CHD1: variants seen among roughly 807,000 people sequenced by gnomAD.
The protein encoded by CHD1 is ATP-dependent chromatin remodeler CHD1.
In CHD1, 36 loss-of-function variants were observed where a neutral mutation model predicts 224.2. The observed-to-expected ratio is 0.16, with a 90% CI of 0.12 to 0.21. The LOEUF (loss-of-function observed/expected upper bound fraction) is 0.21. CHD1 is among the 10% of genes least tolerant of loss of function. The probability of loss-of-function intolerance (pLI) is 1.00; values close to 1 mark genes in which losing one functional copy is unlikely to be tolerated. For synonymous variants in CHD1, 668 were observed against 658.3 expected (o/e 1.01, Z -0.23); for missense variants, 1,378 against 1,994.8 (o/e 0.69, Z 5.89).
At position 98,888,157 on chromosome 5, in the gene CHD1, A is replaced by T. The variant is rs1561513205; in HGVS notation, c.2427T>A (p.Ile809=). 6.2e-7 allele frequency: 1 copy of T among 1,611,252 alleles called. No individual in the cohort carries two copies. Among genetic ancestry groups the T allele is most frequent in the East Asian group, 2.2e-5 (1 of 44,758 alleles). The stretch of plus-strand genomic sequence containing the variant: ...CTAACATCCGCACCATTTGTGAAAA[A>T]ATAAGAACTCGATTGCCTCGTTCTC... ...RLRERGNRVL[I]FSQMVRMLDI... is the part of the protein sequence containing the mutation. Residue 809 remains isoleucine (I), a synonymous_variant, in exon 17 of 36, where the codon ATT becomes ATA. Transcript: ENST00000614616.
chr5:98,868,696 C>T, intron 30 of CHD1, 61 bp from the exon 31 acceptor site: 3 of 1,401,196 alleles, frequency 2.1e-6, no homozygotes, highest in Non-Finnish European at 2.9e-6. Flanking sequence ...GGCAAAATGA[C>T]TAACACTTCC....
chr5:98,882,709 G>A (rs962641632), intron 19 of CHD1, among the ~76,000 whole-genome samples: 6 of 152,124 alleles, frequency 3.9e-5, no homozygotes, highest in African/African-American at 1.4e-4. Context: ...TTTACATGTG[G>A]AGAATCTTGT....
At chr5:98,917,062 G>A (rs1752778128) in intron 2 of CHD1, among the ~76,000 whole-genome samples, 1 of 152,030 alleles carries the variant, frequency 6.6e-6, no homozygotes, top group Non-Finnish European at 1.5e-5. Context: ...TAGGAATTTA[G>A]AATGTTACTT....
rs1321078353 is a variant in CHD1 at position 98,901,221 on chromosome 5, T to C, written c.552A>G (p.Pro184=). 1.9e-6 allele frequency: 3 copies of C among 1,613,254 alleles called. No individual in the cohort carries two copies. The highest frequency in any genetic ancestry group is 2.2e-5 in the East Asian group (1 of 44,848). The change falls in exon 6 of 36, where the codon CCA becomes CCG. Residue 184 remains proline (P), a synonymous_variant. Coordinates refer to ENST00000614616, the MANE Select transcript of CHD1 (RefSeq NM_001270.4). ...GTTTTCTGCTTTTGACTTTGTTTTT[T>C]GGCTCATAATCAGATTCTGTTTCAT... The part of the protein sequence containing the change: ...SCDETESDYE[P]KNKVKSRKPQ...
In CHD1 at chr5:98,881,964, C is replaced by T; in HGVS notation, c.2867+11G>A. On this transcript the variant is annotated intron_variant, in intron 20 of 35. Transcript: ENST00000614616. ...TCTAAAATGACATTTTTTTAATAAT[C>T]AAGTAACCACCTTGATGGGGCAGAA... The T allele has an allele frequency of 6.2e-7, 1 of 1,604,914 alleles. No homozygotes were observed.
chr5:98,877,749 C>T (rs1371987536), intron 23 of CHD1, among the ~76,000 whole-genome samples: 1 of 152,064 alleles, frequency 6.6e-6, no homozygotes, highest in African/African-American at 2.4e-5. Flanking sequence ...TAAAACAAAA[C>T]TACTTAGGGG....
intron 5 of CHD1, among the ~76,000 whole-genome samples, chr5:98,902,548 ATATAAT>A (rs1372495624): frequency 1.9e-4 from 29 of 152,198 alleles, no homozygotes; most frequent in South Asian, 1.9e-3. Flanking sequence ...ATAGCTATTA[ATATAAT>A]TATAAGAACC....
At chr5:98,895,010 A>T (rs189483189) in intron 12 of CHD1, among the ~76,000 whole-genome samples, 7 of 152,142 alleles carry the variant, frequency 4.6e-5, no homozygotes, top group Admixed American at 3.9e-4. Context: ...TAGTAGAGAC[A>T]GGGTATCTCC....
chr5:98,915,121 T>C (rs1013413129), intron 2 of CHD1, among the ~76,000 whole-genome samples: 7 of 152,302 alleles, frequency 4.6e-5, no homozygotes, highest in Admixed American at 1.3e-4. Context: ...CATGATGAAG[T>C]ATACACACAC....
intron 11 of CHD1, 122 bp from the exon 12 acceptor site, chr5:98,896,564 T>C: frequency 1.6e-6 from 1 of 636,584 alleles, no homozygotes; most frequent in South Asian, 2.1e-5. Context: ...ATATAGAATA[T>C]ACCACTTTTA....
chr5:98,882,221 T>C lies in CHD1; in HGVS notation c.2719-98A>G, dbSNP rs879049405. ...CTGGCACACAAATTGAAGCTCATTCTATATGAAGTTTTCACTGGTTAAAAG... is the reference window on the plus strand; with the variant it reads ...CTGGCACACAAATTGAAGCTCATTCCATATGAAGTTTTCACTGGTTAAAAG... On this transcript the variant is annotated intron_variant, in intron 19 of 35. Transcript: ENST00000614616. 1.1e-4 allele frequency: 106 copies of C among 991,654 alleles called. 2 individuals are homozygous for C. In the South Asian group the frequency reaches 1.9e-3, roughly 17 times the overall value. The allele number at this position is 991,654 out of a possible 1,614,324, so 61.4% of individuals were successfully genotyped here. A position where few individuals can be genotyped will look rare whatever the true frequency, so the allele number is the denominator to read the frequency against.
In CHD1 at chr5:98,867,559, T is replaced by C. The variant is rs972408622; in HGVS notation, c.4248+936A>G. Reference sequence around the variant, plus strand: ...CATAAATAAGAAGCACTATTACACATGTGTGTGTGTGTGTGTACATATTTA... The same window carrying C: ...CATAAATAAGAAGCACTATTACACACGTGTGTGTGTGTGTGTACATATTTA... On this transcript the variant is annotated intron_variant, in intron 31 of 35. Coordinates refer to ENST00000614616, the MANE Select transcript of CHD1 (RefSeq NM_001270.4). Among the ~76,000 whole-genome samples, 12 of 121,368 alleles carry C rather than the reference T, an allele frequency of 9.9e-5. No homozygotes were observed. In the East Asian group the frequency reaches 1.6e-3, roughly 16 times the overall value. 79.6% of individuals were successfully genotyped at this position (121,368 alleles called of 152,430 possible).
Position 98,872,630 on chromosome 5 carries a change from C to T in CHD1, c.3572-75G>A, listed in dbSNP as rs1303394028. The T allele has an allele frequency of 2.3e-5, 27 of 1,196,758 alleles. No homozygotes were observed. In the East Asian group the frequency reaches 5.9e-4, roughly 26 times the overall value. The allele number at this position is 1,196,758 out of a possible 1,614,324, so 74.1% of individuals were successfully genotyped here. A position where few individuals can be genotyped will look rare whatever the true frequency, so the allele number is the denominator to read the frequency against. On this transcript the variant is annotated intron_variant, in intron 26 of 35. Transcript: ENST00000614616. ...TCTACAAAACACCAAGCAACTGATG[C>T]TATTACTTATGTTATTTAACAATAA... is the stretch of plus-strand genomic sequence containing the variant.
intron 18 of CHD1, among the ~76,000 whole-genome samples, chr5:98,883,531 T>C (rs1367511151): frequency 1.3e-5 from 2 of 151,938 alleles, no homozygotes; most frequent in Admixed American, 6.6e-5. Flanking sequence ...AAAAGAACTC[T>C]ATGGAAAACA....
chr5:98,869,768 C>T lies in CHD1; in HGVS notation c.4093G>A (p.Glu1365Lys), dbSNP rs1469262479. The T allele has an allele frequency of 6.2e-7, 1 of 1,613,414 alleles. No homozygotes were observed. Among genetic ancestry groups the T allele is most frequent in the East Asian group, 2.2e-5 (1 of 44,834 alleles). The change falls in exon 30 of 36, where the codon GAA (glutamate) becomes AAA (lysine). Residue 1365 changes from glutamate (E) to lysine (K), a missense_variant. Physicochemically the swap from Glu to Lys is moderately conservative, Grantham distance 56. Around this residue, in one of 16 missense-constraint regions of CHD1, gnomAD observed 105 missense variants for 93.4 expected, o/e 1.12. Coordinates refer to ENST00000614616, the MANE Select transcript of CHD1 (RefSeq NM_001270.4). ...SSPLPSEKSDEDDDKLSESKS... is the reference protein window; with the variant it reads ...SSPLPSEKSDKDDDKLSESKS... Reference sequence around the variant, plus strand: ...CACATTCTTACTTTATCATCATCTTCATCAGACTTCTCTGAAGGCAGAGGA... The same window carrying T: ...CACATTCTTACTTTATCATCATCTTTATCAGACTTCTCTGAAGGCAGAGGA...
chr5:98,860,348 C>A, intron 32 of CHD1: 1 of 351,978 alleles, frequency 2.8e-6, no homozygotes, highest in South Asian at 2.5e-5. Flanking sequence ...TGAAATGCAC[C>A]AAAGACATAA....
rs532550549 is a variant in CHD1, at chr5:98,854,615, T to C, written c.*1765A>G. ...TACCAGAAAAGAAACAAAGCATTAT[T>C]ATTCTTCAGGGTAACTGTATCAGAA... is the stretch of plus-strand genomic sequence containing the variant. On this transcript the variant is annotated 3_prime_UTR_variant, in exon 36 of 36. Coordinates refer to ENST00000614616, the MANE Select transcript of CHD1 (RefSeq NM_001270.4). 6.6e-6 allele frequency: 1 copy of C among 152,106 alleles called. No individual in the cohort carries two copies. The highest frequency in any genetic ancestry group is 1.5e-5 in the Non-Finnish European group (1 of 67,984). The allele number at this position is 152,106 out of a possible 1,614,324, so 9.4% of individuals were successfully genotyped here. A position where few individuals can be genotyped will look rare whatever the true frequency, so the allele number is the denominator to read the frequency against.
intron 28 of CHD1, 57 bp from the exon 29 acceptor site, chr5:98,870,860 T>C: frequency 1.9e-6 from 2 of 1,063,060 alleles, no homozygotes; most frequent in Non-Finnish European, 2.9e-6. Flanking sequence ...AGAAATGTAC[T>C]GGCTAAAAAA....
chr5:98,879,781 A>T, intron 22 of CHD1, 53 bp from the exon 23 acceptor site: 1 of 1,325,260 alleles, frequency 7.5e-7, no homozygotes, highest in Non-Finnish European at 1.0e-6. Context: ...TTGATCCCTA[A>T]AAGTTTTTTT....
Sources: gnomAD v4.1 joint callset for allele counts (sites outside exome capture counted in the v4.1 genomes callset) on GRCh38, gnomAD v4.1.1 for gene constraint, gnomAD v4.1.1 regional missense constraint, MANE v1.5 for transcripts, NCBI Gene and HGNC (gene_info 2026-07-23, HGNC 2026-07-21) for gene names.